The following SPON1 variants were observed in gnomAD, a reference collection of about 807,000 sequenced individuals.
SPON1 encodes the protein spondin 1.
A neutral mutation model predicts 111.7 loss-of-function variants in SPON1; 52 were observed. The observed-to-expected ratio is 0.47, with a 90% CI of 0.37 to 0.59. The LOEUF is 0.59. SPON1 is among the 20% of genes least tolerant of loss of function. The pLI, the probability that SPON1 is intolerant of heterozygous loss-of-function variation, is 0.00. For synonymous variants in SPON1, 410 were observed against 395.8 expected, an observed-to-expected ratio of 1.04 and a Z score of -0.43; for missense variants, 957 against 1,068.5, an observed-to-expected ratio of 0.90 and a Z score of 1.46.
intron 5 of SPON1, among the ~76,000 whole-genome samples, chr11:14,123,188 C>T (rs917338009): frequency 6.6e-6 from 1 of 152,020 alleles, no homozygotes; most frequent in African/African-American, 2.4e-5. Flanking sequence ...TCACCTAGGC[C>T]TCCCAAAGTG....
chr11:14,188,415 T>C (rs2133890562), intron 6 of SPON1, among the ~76,000 whole-genome samples: 1 of 152,228 alleles, frequency 6.6e-6, no homozygotes, highest in East Asian at 1.9e-4. Flanking sequence ...GCACCCTATT[T>C]TGTGGTTTAA....
intron 6 of SPON1, among the ~76,000 whole-genome samples, chr11:14,152,206 T>C (rs1847796445): frequency 6.6e-6 from 1 of 152,226 alleles, no homozygotes; most frequent in Non-Finnish European, 1.5e-5. Context: ...TTGAATGCTT[T>C]AGACCTCGGT....
intron 5 of SPON1, among the ~76,000 whole-genome samples, chr11:14,107,735 G>A (rs1436645440): frequency 2.6e-5 from 4 of 152,138 alleles, no homozygotes; most frequent in African/African-American, 9.7e-5. Context: ...AGAGTAATGC[G>A]AGAGTGGAAA....
At chr11:14,120,596 A>G (rs1420497683) in intron 5 of SPON1, among the ~76,000 whole-genome samples, 1 of 152,026 alleles carries the variant, frequency 6.6e-6, no homozygotes, top group Non-Finnish European at 1.5e-5. Context: ...CTGCACTCCC[A>G]ATGCTGACTA....
At chr11:14,094,336 A>T (rs4757225) in intron 5 of SPON1, among the ~76,000 whole-genome samples, 43,623 of 151,724 alleles carry the variant, frequency 0.29, 7,163 homozygotes, top group East Asian at 0.59. Flanking sequence ...AAGGATATGG[A>T]TTTTTCTTTT....
At chr11:14,210,081 A>C (rs891861210) in intron 6 of SPON1, among the ~76,000 whole-genome samples, 8 of 152,026 alleles carry the variant, frequency 5.3e-5, no homozygotes, top group Admixed American at 5.2e-4. Context: ...GTCTGTTCAT[A>C]TTCTTTGCCC....
At chr11:14,085,393 TTAAA>T (rs1848998334) in intron 5 of SPON1, among the ~76,000 whole-genome samples, 1 of 152,208 alleles carries the variant, frequency 6.6e-6, no homozygotes, top group Non-Finnish European at 1.5e-5. Flanking sequence ...GCACCATTGA[TTAAA>T]TAGAGAATCC....
intron 2 of SPON1, among the ~76,000 whole-genome samples, chr11:14,034,545 A>G (rs1591357397): frequency 1.3e-5 from 2 of 152,232 alleles, no homozygotes; most frequent in African/African-American, 2.4e-5. Context: ...ATGTTTAATT[A>G]CCATCTGGCA....
chr11:14,089,215 GT>G (rs1419408120), intron 5 of SPON1, among the ~76,000 whole-genome samples: 1 of 152,046 alleles, frequency 6.6e-6, no homozygotes, highest in Non-Finnish European at 1.5e-5. Context: ...AGGCATTCTG[GT>G]TTTTGGAATT....
chr11:13,987,268 A>G (rs2133784346), intron 2 of SPON1, among the ~76,000 whole-genome samples: 1 of 152,300 alleles, frequency 6.6e-6, no homozygotes, highest in African/African-American at 2.4e-5. Flanking sequence ...AACTGGCGTG[A>G]GATGGTATCT....
intron 6 of SPON1, among the ~76,000 whole-genome samples, chr11:14,167,081 A>G (rs976015805): frequency 1.3e-5 from 2 of 152,160 alleles, no homozygotes; most frequent in Admixed American, 6.5e-5. Flanking sequence ...TATTACAATT[A>G]TAGGAGTTTT....
At chr11:14,016,776 A>T (rs1433018157) in intron 2 of SPON1, among the ~76,000 whole-genome samples, 1 of 152,142 alleles carries the variant, frequency 6.6e-6, no homozygotes, top group African/African-American at 2.4e-5. Flanking sequence ...CTGGCTGTTG[A>T]CTCACACTAT....
At chr11:13,972,048 G>C (rs562602134) in intron 1 of SPON1, among the ~76,000 whole-genome samples, 52 of 152,340 alleles carry the variant, frequency 3.4e-4, no homozygotes, top group African/African-American at 1.2e-3. Context: ...AGATGTTTGT[G>C]AATAAATAGC....
chr11:14,210,403 GTGTT>G (rs1212954766), intron 6 of SPON1, among the ~76,000 whole-genome samples: 1 of 104,540 alleles, frequency 9.6e-6, no homozygotes, highest in East Asian at 2.6e-4. Context: ...TTTGTTTTTT[GTGTT>G]TGTTTTTGTC....
intron 3 of SPON1, among the ~76,000 whole-genome samples, chr11:14,042,693 T>G (rs1429880228): frequency 6.6e-6 from 1 of 152,204 alleles, no homozygotes; most frequent in African/African-American, 2.4e-5. Context: ...TTGGTTCATT[T>G]GTCAAATATA....
At chr11:14,033,680 A>G (rs7111958) in intron 2 of SPON1, among the ~76,000 whole-genome samples, 45,038 of 152,212 alleles carry the variant, frequency 0.3, 7,860 homozygotes, top group South Asian at 0.5. Context: ...AGAAGCCTAG[A>G]AAAATCATTC....
chr11:14,070,421 A>G lies in SPON1; in HGVS notation c.480-4924A>G, dbSNP rs1446154637. Among the ~76,000 whole-genome samples the G allele has an allele frequency of 2.0e-5, 3 of 152,178 alleles. No individual in the cohort carries two copies. In the East Asian group the frequency reaches 5.8e-4, roughly 29 times the overall value. ...TAATACTCTCACTCCTCCTTCCACA[A>G]GCAAAGAAACAGACCTGACATCAAT... On this transcript the variant is annotated intron_variant, in intron 3 of 15. Coordinates refer to ENST00000576479, the MANE Select transcript of SPON1 (RefSeq NM_006108.4).
chr11:14,027,759 C>T (rs146953352), intron 2 of SPON1, among the ~76,000 whole-genome samples: 280 of 152,284 alleles, frequency 1.8e-3, no homozygotes, highest in Admixed American at 3.3e-3. Context: ...TATTCAAGAG[C>T]AATTCAGTAA....
chr11:14,249,587 A>G (rs2133921558), intron 7 of SPON1, among the ~76,000 whole-genome samples: 1 of 152,378 alleles, frequency 6.6e-6, no homozygotes, highest in Non-Finnish European at 1.5e-5. Flanking sequence ...TTGAAAACTC[A>G]GGATGAGAGA....
Sources: gnomAD v4.1 joint callset for allele counts (sites outside exome capture counted in the v4.1 genomes callset) on GRCh38, gnomAD v4.1.1 for gene constraint, MANE v1.5 for transcripts, NCBI Gene and HGNC (gene_info 2026-07-23, HGNC 2026-07-21) for gene names.